ZFP91: variants seen among roughly 807,000 people sequenced by gnomAD.
ZFP91 encodes the protein E3 ubiquitin-protein ligase ZFP91.
A neutral mutation model predicts 63.5 loss-of-function variants in ZFP91; 7 were observed. The ratio of observed to expected loss-of-function variants is 0.11; its 90% CI spans 0.06 to 0.21. The LOEUF is 0.21. Among genes scored for constraint, ZFP91 ranks in the 10% least tolerant of loss-of-function variants. ZFP91 has a pLI of 1.00. For missense variants in ZFP91, 628 were observed against 736.6 expected (o/e 0.85, Z 1.71); for synonymous variants, 330 against 272.1 (o/e 1.21, Z -2.10).
chr11:58,617,856 A>C lies in ZFP91; in HGVS notation c.*150A>C. 1.0e-6 allele frequency: 1 copy of C among 1,004,192 alleles called. No homozygotes were observed. The highest frequency in any genetic ancestry group is 1.3e-6 in the Non-Finnish European group (1 of 757,590). The allele number at this position is 1,004,192 out of a possible 1,614,324, so 62.2% of individuals were successfully genotyped here. Reference sequence around the variant, plus strand: ...TGGATCACAGCACACACATACATACACCCTCCACCTCCCCATCCCCTGTTC... The same window carrying C: ...TGGATCACAGCACACACATACATACCCCCTCCACCTCCCCATCCCCTGTTC... On this transcript the variant is annotated 3_prime_UTR_variant, in exon 11 of 11. Transcript: ENST00000316059. The surrounding 1 kb of genome is among the most constrained non-coding windows in gnomAD (Gnocchi z 4.2).
intron 2 of ZFP91, among the ~76,000 whole-genome samples, chr11:58,606,286 C>T (rs1855569274): frequency 6.6e-6 from 1 of 152,104 alleles, no homozygotes; most frequent in Admixed American, 6.5e-5. Context: ...AGGCTGGTCT[C>T]GAACTCCTGA....
Position 58,579,286 on chromosome 11 carries a change from CG to C in ZFP91, c.10del (p.Glu4ArgfsTer47), listed in dbSNP as rs1269291609. 5 of 1,449,690 alleles carry C rather than the reference CG, an allele frequency of 3.4e-6. No individual in the cohort carries two copies. Among genetic ancestry groups the C allele is most frequent in the South Asian group, 1.4e-5 (1 of 73,076 alleles). The allele number at this position is 1,449,690 out of a possible 1,614,324, so 89.8% of individuals were successfully genotyped here. A position where few individuals can be genotyped will look rare whatever the true frequency, so the allele number is the denominator to read the frequency against. ...GTGGGGGACGGACAAGCCCCGATGC[CG>C]GGGGAGACGGAAGAGCCGAGACCCC... M[P>X]GETEEPRPPE... On this transcript the variant is annotated frameshift_variant, in exon 1 of 11. Transcript: ENST00000316059. LOFTEE classifies it high-confidence loss of function.
intron 1 of ZFP91, among the ~76,000 whole-genome samples, chr11:58,579,869 C>T (rs1009895997): frequency 6.6e-6 from 1 of 152,148 alleles, no homozygotes; most frequent in South Asian, 2.1e-4. Context: ...TTGATACACC[C>T]CTGCACTCGC....
chr11:58,601,930 T>C (rs1277925336), intron 2 of ZFP91, among the ~76,000 whole-genome samples: 1 of 152,188 alleles, frequency 6.6e-6, no homozygotes, highest in African/African-American at 2.4e-5. Flanking sequence ...GTGAATTTTT[T>C]TTTTCCCCCA....
intron 2 of ZFP91, among the ~76,000 whole-genome samples, chr11:58,589,628 A>T (rs1170756379): frequency 6.6e-6 from 1 of 152,368 alleles, no homozygotes; most frequent in Middle Eastern, 3.4e-3. Context: ...CAAAGGCTAA[A>T]TACAGTAGAT....
chr11:58,606,037 T>C lies in ZFP91; in HGVS notation c.371-3793T>C, dbSNP rs181569078. Among the ~76,000 whole-genome samples, 424 of 152,312 alleles carry C rather than the reference T, an allele frequency of 2.8e-3. 1 individual carries two copies. Among genetic ancestry groups the C allele is most frequent in the Non-Finnish European group, 5.3e-3 (362 of 68,024 alleles). On this transcript the variant is annotated intron_variant, in intron 2 of 10. Coordinates refer to ENST00000316059, the MANE Select transcript of ZFP91 (RefSeq NM_053023.5). ...TTTTTAATTTCAGTTATTATACTTCTCAGCTCTAGAATTTTTTTCTCTTAG... is the reference window on the plus strand; with the variant it reads ...TTTTTAATTTCAGTTATTATACTTCCCAGCTCTAGAATTTTTTTCTCTTAG...
intron 1 of ZFP91, among the ~76,000 whole-genome samples, chr11:58,580,800 A>G (rs548648282): frequency 2.0e-5 from 3 of 152,342 alleles, no homozygotes; most frequent in Non-Finnish European, 4.4e-5. Context: ...AAGTTAACAT[A>G]ATTTAGAGAA....
Position 58,610,304 on chromosome 11 carries a change from G to C in ZFP91, c.587G>C (p.Gly196Ala). Residue 196 changes from glycine to alanine, a missense_variant, in exon 4 of 11, where the codon GGA becomes GCA. Physicochemically the swap from Gly to Ala is moderately conservative, Grantham distance 60. Transcript: ENST00000316059. ...TTTGGCTTTGTTTTTCTAGATGTTGGAGAAGAGCATCAGTCTCCAGGTGGC... is the reference window on the plus strand; with the variant it reads ...TTTGGCTTTGTTTTTCTAGATGTTGCAGAAGAGCATCAGTCTCCAGGTGGC... ...PNTDQLDYDV[G>A]EEHQSPGGIS... 2 of 1,596,462 alleles carry C rather than the reference G, an allele frequency of 1.3e-6. No homozygotes were observed. The highest frequency in any genetic ancestry group is 1.7e-6 in the Non-Finnish European group (2 of 1,174,944).
intron 2 of ZFP91, among the ~76,000 whole-genome samples, chr11:58,590,747 A>C (rs540525913): frequency 5.9e-5 from 9 of 152,146 alleles, no homozygotes; most frequent in Admixed American, 4.6e-4. Context: ...TGATGCTGTT[A>C]GCTTAGCTTA....
chr11:58,616,562 CT>C (rs914136694), intron 9 of ZFP91, among the ~76,000 whole-genome samples, 153 bp from the exon 10 acceptor site: 42 of 151,416 alleles, frequency 2.8e-4, no homozygotes, highest in African/African-American at 7.0e-4. Flanking sequence ...CAATACTTTT[CT>C]TTTTTAAATT....
In ZFP91 at chr11:58,620,116, CT is replaced by C. The variant is rs1433877115; in HGVS notation, c.*2415del. The C allele has an allele frequency of 6.6e-6, 1 of 152,176 alleles. No homozygotes were observed. Among genetic ancestry groups the C allele is most frequent in the Non-Finnish European group, 1.5e-5 (1 of 68,026 alleles). 9.4% of individuals were successfully genotyped at this position (152,176 alleles called of 1,614,324 possible). ...TTCTACTAATTAGAAACTTGCTGTA[CT>C]TTTTCTTTTCTTTTAGGGGTCAAGG... On this transcript the variant is annotated 3_prime_UTR_variant, in exon 11 of 11. Transcript: ENST00000316059.
chr11:58,588,938 G>C (rs1472572995), intron 2 of ZFP91, among the ~76,000 whole-genome samples: 1 of 152,096 alleles, frequency 6.6e-6, no homozygotes, highest in Non-Finnish European at 1.5e-5. Context: ...GAATCTCCTT[G>C]CTAATGACCT....
intron 1 of ZFP91, among the ~76,000 whole-genome samples, chr11:58,582,327 C>T (rs1855131768): frequency 6.6e-6 from 1 of 152,168 alleles, no homozygotes; most frequent in South Asian, 2.1e-4. Flanking sequence ...TGAGTCCAAA[C>T]CCTGGTCTGG....
At chr11:58,616,382 T>A (rs937715386) in intron 9 of ZFP91, among the ~76,000 whole-genome samples, 9 of 152,202 alleles carry the variant, frequency 5.9e-5, no homozygotes, top group Non-Finnish European at 7.3e-5. Context: ...GAGTAAAATA[T>A]ATGGAAAATA....
chr11:58,590,115 T>A (rs1270819872), intron 2 of ZFP91, among the ~76,000 whole-genome samples: 1 of 152,168 alleles, frequency 6.6e-6, no homozygotes, highest in Non-Finnish European at 1.5e-5. Context: ...AAACTTAAAA[T>A]CCTTAGTGGG....
Position 58,579,576 on chromosome 11 carries a change from G to T in ZFP91, c.295G>T (p.Ala99Ser). The T allele has an allele frequency of 6.3e-7, 1 of 1,584,576 alleles. No homozygotes were observed. ...CGTCCCCGGGCAGCAGCCCCAGGCC[G>T]CGAAGTCCCCGTCTCCAGTTCAGGG... ...PDVPGQQPQA[A>S]KSPSPVQGKK... The change falls in exon 1 of 11, where the codon GCG becomes TCG. Residue 99 changes from alanine to serine, a missense_variant. Transcript: ENST00000316059.
intron 2 of ZFP91, among the ~76,000 whole-genome samples, chr11:58,591,637 C>G (rs1855307925): frequency 6.6e-6 from 1 of 152,166 alleles, no homozygotes; most frequent in East Asian, 1.9e-4. Context: ...AATCTACTTT[C>G]TGTCTGTATA....
At chr11:58,605,948 C>G (rs993977329) in intron 2 of ZFP91, among the ~76,000 whole-genome samples, 1 of 151,878 alleles carries the variant, frequency 6.6e-6, no homozygotes, top group Non-Finnish European at 1.5e-5. Context: ...ATTCTTCATA[C>G]TGGATCATCT....
rs1314424581 is a variant in ZFP91 at position 58,617,623 on chromosome 11, A to G, written c.1630A>G (p.Thr544Ala). Residue 544 changes from threonine (T) to alanine (A), a missense_variant, in exon 11 of 11, where the codon ACT becomes GCT. By Grantham distance (58) the Thr-to-Ala change is moderately conservative. Coordinates refer to ENST00000316059, the MANE Select transcript of ZFP91 (RefSeq NM_053023.5). This position sits in a 1 kb window ranked among gnomAD's most constrained non-coding sequence, Gnocchi z 4.2. ...TGTGGGAAGCGGCAGCAGTGGAGGC[A>G]CTGAAGGGCTGGTTATGAACTCAGA... The part of the protein sequence containing the change: ...IFVGSGSSGG[T>A]EGLVMNSDIL... 6.3e-7 allele frequency: 1 copy of G among 1,592,306 alleles called. No homozygotes were observed. Among genetic ancestry groups the G allele is most frequent in the African/African-American group, 1.3e-5 (1 of 74,242 alleles).
Sources: allele counts gnomAD v4.1 joint callset (sites outside exome capture counted in the v4.1 genomes callset), GRCh38; gene constraint gnomAD v4.1.1; non-coding constraint Gnocchi (gnomAD v3.1); transcripts MANE v1.5; gene names NCBI Gene and HGNC (gene_info 2026-07-23, HGNC 2026-07-21).